Variants in ZNF892 observed in about 807,000 individuals in gnomAD.
ZNF892 encodes the protein zinc finger protein 570-like.
At chr2:95,234,321 G>C in the ZNF892 span, among the ~76,000 whole-genome samples, 1 of 152,220 alleles carries the variant, frequency 6.6e-6, no homozygotes, top group African/African-American at 2.4e-5. Flanking sequence ...CCCAGGAAAA[G>C]TAATTTCTCT....
chr2:95,226,927 A>G, the ZNF892 span, among the ~76,000 whole-genome samples: 1 of 152,158 alleles, frequency 6.6e-6, no homozygotes, highest in East Asian at 1.9e-4. Context: ...CTTGAGTCCC[A>G]AAGTCCCAGG....
At chr2:95,238,362 C>T in the ZNF892 span, among the ~76,000 whole-genome samples, 1 of 152,214 alleles carries the variant, frequency 6.6e-6, no homozygotes, top group Admixed American at 6.5e-5. Flanking sequence ...AATGACAGCA[C>T]ATCTGTTTAT....
At chr2:95,210,788 C>G in the ZNF892 span, among the ~76,000 whole-genome samples, 1 of 152,122 alleles carries the variant, frequency 6.6e-6, no homozygotes. Flanking sequence ...GCCACAAGAT[C>G]CCCTCTATGT....
chr2:95,215,726 G>A, the ZNF892 span: 1 of 397,362 alleles, frequency 2.5e-6, no homozygotes, highest in Non-Finnish European at 4.4e-6. Flanking sequence ...CATTGCTGAT[G>A]TGGGAGGTAA....
At chr2:95,233,121 C>T in the ZNF892 span, among the ~76,000 whole-genome samples, 7 of 152,014 alleles carry the variant, frequency 4.6e-5, no homozygotes, top group Non-Finnish European at 1.0e-4. Context: ...TCCAGAGTTT[C>T]TTTAAGGACT....
the ZNF892 span, among the ~76,000 whole-genome samples, chr2:95,239,900 G>A: frequency 6.6e-6 from 1 of 152,192 alleles, no homozygotes; most frequent in East Asian, 1.9e-4. Context: ...AAAGTACTGG[G>A]ATTACGGGTA....
At chr2:95,207,091 A>G in the ZNF892 span, among the ~76,000 whole-genome samples, 3 of 152,184 alleles carry the variant, frequency 2.0e-5, no homozygotes, top group African/African-American at 7.2e-5. Flanking sequence ...GAGGTGCAAT[A>G]TGGTACAAAC....
the ZNF892 span, among the ~76,000 whole-genome samples, chr2:95,257,669 G>C: frequency 9.8e-5 from 15 of 152,332 alleles, no homozygotes; most frequent in African/African-American, 3.6e-4. Flanking sequence ...CCTAGAGATG[G>C]AGTCTACAGA....
At chr2:95,260,508 T>G in the ZNF892 span, among the ~76,000 whole-genome samples, 37 of 152,324 alleles carry the variant, frequency 2.4e-4, no homozygotes, top group East Asian at 3.3e-3. Flanking sequence ...TTGGGGGCAC[T>G]GCCTCCCTCA....
the ZNF892 span, among the ~76,000 whole-genome samples, chr2:95,245,455 G>T: frequency 3.0e-4 from 32 of 105,366 alleles, 1 homozygote; most frequent in South Asian, 1.3e-3. Flanking sequence ...GACGGCGGGG[G>T]GGGGGGGGTT....
At chr2:95,215,688 CTG>C in the ZNF892 span, 18 of 397,636 alleles carry the variant, frequency 4.5e-5, no homozygotes, top group Non-Finnish European at 6.2e-5. Context: ...AAATTTAAGA[CTG>C]TGTTGCAAAA....
At chr2:95,262,217 CCA>C in the ZNF892 span, among the ~76,000 whole-genome samples, 6 of 152,170 alleles carry the variant, frequency 3.9e-5, no homozygotes, top group African/African-American at 1.4e-4. Context: ...GGGAGAACAG[CCA>C]CACTTTCTGA....
At chr2:95,227,525 T>C in the ZNF892 span, among the ~76,000 whole-genome samples, 1 of 151,508 alleles carries the variant, frequency 6.6e-6, no homozygotes, top group Non-Finnish European at 1.5e-5. Context: ...GGTTTTGCCA[T>C]GTTGCCCAGG....
the ZNF892 span, among the ~76,000 whole-genome samples, chr2:95,261,134 C>G: frequency 6.6e-6 from 1 of 152,144 alleles, no homozygotes; most frequent in South Asian, 2.1e-4. Flanking sequence ...AGACTCATGA[C>G]AACCCAGAAG....
At chr2:95,229,663 T>C in the ZNF892 span, among the ~76,000 whole-genome samples, 4 of 152,230 alleles carry the variant, frequency 2.6e-5, no homozygotes, top group African/African-American at 7.2e-5. Context: ...GGTATTCCAC[T>C]GTAGGAATAT....
chr2:95,260,973 T>A, the ZNF892 span, among the ~76,000 whole-genome samples: 2 of 152,198 alleles, frequency 1.3e-5, no homozygotes, highest in Non-Finnish European at 2.9e-5. Flanking sequence ...TCTCTTAGTG[T>A]GCAGTGTCCT....
the ZNF892 span, among the ~76,000 whole-genome samples, chr2:95,243,368 C>T: frequency 2.0e-5 from 3 of 149,888 alleles, no homozygotes; most frequent in Middle Eastern, 3.5e-3. Context: ...AAGTGAGGAG[C>T]GTTTCTGCCC....
the ZNF892 span, among the ~76,000 whole-genome samples, chr2:95,221,813 A>G: frequency 1.8e-3 from 269 of 152,310 alleles, 1 homozygote; most frequent in African/African-American, 5.0e-3. Flanking sequence ...ATCAAAGTGC[A>G]CAATAAAATT....
chr2:95,212,287 G>A, the ZNF892 span: 1 of 398,554 alleles, frequency 2.5e-6, no homozygotes, highest in Non-Finnish European at 4.4e-6. Context: ...AAAAGCGTGA[G>A]TGTTGGAAAC....
Sources: allele counts gnomAD v4.1 joint callset (sites outside exome capture counted in the v4.1 genomes callset), GRCh38; gene constraint gnomAD v4.1.1; transcripts MANE v1.5; gene names NCBI Gene and HGNC (gene_info 2026-07-23, HGNC 2026-07-21).